The following UBALD1 variants were observed in gnomAD, a reference collection of about 807,000 sequenced individuals.
UBALD1 encodes the protein UBA like domain containing 1, also known as UBA-like domain-containing protein 1.
In UBALD1, 5 loss-of-function variants were observed where a neutral mutation model predicts 16.1. The observed-to-expected ratio is 0.31, with a 90% CI of 0.16 to 0.66. UBALD1 has a LOEUF of 0.66. Among genes scored for constraint, UBALD1 ranks in the 30% least tolerant of loss-of-function variants. The pLI, the probability that UBALD1 is intolerant of heterozygous loss-of-function variation, is 0.77. For missense variants in UBALD1, 220 were observed against 252.8 expected, an observed-to-expected ratio of 0.87 and a Z score of 0.88; for synonymous variants, 146 against 105.3, an observed-to-expected ratio of 1.39 and a Z score of -2.37.
In UBALD1 at chr16:4,609,903, G is replaced by A. The variant is rs566839031; in HGVS notation, c.264C>T (p.Ser88=). The change falls in exon 3 of 3, where the codon TCC becomes TCT. Residue 88 remains serine, a synonymous_variant. Coordinates refer to ENST00000283474, the MANE Select transcript of UBALD1 (RefSeq NM_145253.3). ...ALTMFSRLKA[S]ESFHSGGSGS... ...CGCTGCCACCGCTGTGGAAGCTCTC[G>A]GAGGCCTTGAGACGGGAGAACATGG... 3.6e-5 allele frequency: 57 copies of A among 1,590,028 alleles called. No homozygotes were observed. Among genetic ancestry groups the A allele is most frequent in the South Asian group, 1.2e-4 (11 of 88,252 alleles).
At position 4,614,884 on chromosome 16, in the gene UBALD1, A is replaced by G; in HGVS notation, c.-87T>C. The G allele has an allele frequency of 1.5e-6, 2 of 1,309,220 alleles. No individual in the cohort carries two copies. The highest frequency in any genetic ancestry group is 9.9e-7 in the Non-Finnish European group (1 of 1,008,444). The allele number at this position is 1,309,220 out of a possible 1,614,324, so 81.1% of individuals were successfully genotyped here. A position where few individuals can be genotyped will look rare whatever the true frequency, so the allele number is the denominator to read the frequency against. On this transcript the variant is annotated 5_prime_UTR_variant, in exon 1 of 3. Coordinates refer to ENST00000283474, the MANE Select transcript of UBALD1 (RefSeq NM_145253.3). ...CACCATTAGCGAGCCGGCTCCGGCT[A>G]ATACAAATATTTACTGTGCGGCTCT...
In UBALD1 at chr16:4,610,379, C is replaced by T. The variant is rs577610018; in HGVS notation, c.183+114G>A. Reference sequence around the variant, plus strand: ...CCTGCTGACCCATCTCCAAAGAGGTCGAGCCCCGCCTGCACCAGCGCCCTC... The same window carrying T: ...CCTGCTGACCCATCTCCAAAGAGGTTGAGCCCCGCCTGCACCAGCGCCCTC... On this transcript the variant is annotated intron_variant, in intron 2 of 2. Transcript: ENST00000283474. 4,326 of 1,180,066 alleles carry T rather than the reference C, an allele frequency of 3.7e-3. 16 individuals are homozygous for T. The highest frequency in any genetic ancestry group is 4.7e-3 in the Non-Finnish European group (3,972 of 838,124). The allele number at this position is 1,180,066 out of a possible 1,614,324, so 73.1% of individuals were successfully genotyped here.
intron 1 of UBALD1, 53 bp downstream of exon 1, chr16:4,614,625 G>A (rs553471814): frequency 3.2e-5 from 43 of 1,336,232 alleles, no homozygotes; most frequent in Middle Eastern, 2.7e-4. Context: ...GCGGCCACGC[G>A]GGACACACTC....
At position 4,610,077 on chromosome 16, in the gene UBALD1, C is replaced by A. The variant is rs553557776; in HGVS notation, c.184-94G>T. 23 of 1,001,760 alleles carry A rather than the reference C, an allele frequency of 2.3e-5. No homozygotes were observed. The East Asian group carries it at 3.9e-4, about 17-fold the overall frequency. The allele number at this position is 1,001,760 out of a possible 1,614,324, so 62.1% of individuals were successfully genotyped here. A position where few individuals can be genotyped will look rare whatever the true frequency, so the allele number is the denominator to read the frequency against. ...GGGAGATGCGTGGCTGGCCCATTCT[C>A]GGAAGGCTCTGTGTTCCTTCCCCAG... On this transcript the variant is annotated intron_variant, in intron 2 of 2. Coordinates refer to ENST00000283474, the MANE Select transcript of UBALD1 (RefSeq NM_145253.3).
intron 1 of UBALD1, chr16:4,614,365 C>T: frequency 2.7e-6 from 1 of 368,122 alleles, no homozygotes; most frequent in Non-Finnish European, 4.8e-6. Flanking sequence ...TGTCCGTCTG[C>T]ACCGCGGGGC....
chr16:4,614,807 G>T lies in UBALD1; in HGVS notation c.-10C>A. The stretch of plus-strand genomic sequence containing the variant: ...CCATGTTCACGGACATGGCGCCGCC[G>T]CGCTGCCCGCTCCGGCCTCCCTCCT... On this transcript the variant is annotated 5_prime_UTR_variant, in exon 1 of 3. Transcript: ENST00000283474. 1.3e-6 allele frequency: 2 copies of T among 1,493,936 alleles called. No homozygotes were observed. Among genetic ancestry groups the T allele is most frequent in the South Asian group, 1.3e-5 (1 of 75,950 alleles). The allele number at this position is 1,493,936 out of a possible 1,614,324, so 92.5% of individuals were successfully genotyped here.
chr16:4,614,741 C>T lies in UBALD1; in HGVS notation c.57G>A (p.Leu19=), dbSNP rs371754556. The T allele has an allele frequency of 2.1e-5, 32 of 1,560,930 alleles. 1 individual carries two copies. In the African/African-American group the frequency reaches 4.3e-4, roughly 21 times the overall value. ...KHQVMINQFV[L]TAGCAADQAK... ...CCTGGTCGGCCGCGCAGCCCGCCGT[C>T]AGCACGAACTGGTTGATCATGACCT... Residue 19 remains leucine (L), a synonymous_variant, in exon 1 of 3, where the codon CTG becomes CTA. Transcript: ENST00000283474.
chr16:4,614,798 G>GGCGCCGCC lies in UBALD1; in HGVS notation c.-9_-2dup. 1 of 1,504,466 alleles carries GGCGCCGCC rather than the reference G, an allele frequency of 6.6e-7. No individual in the cohort carries two copies. The highest frequency in any genetic ancestry group is 1.4e-5 in the African/African-American group (1 of 69,302). 93.2% of individuals were successfully genotyped at this position (1,504,466 alleles called of 1,614,324 possible). On this transcript the variant is annotated 5_prime_UTR_variant, in exon 1 of 3. Coordinates refer to ENST00000283474, the MANE Select transcript of UBALD1 (RefSeq NM_145253.3). ...TGAGCTCGTCCATGTTCACGGACAT[G>GGCGCCGCC]GCGCCGCCGCGCTGCCCGCTCCGGC...
chr16:4,610,590 C>G (rs748211225), intron 1 of UBALD1, 35 bp from the exon 2 acceptor site: 1 of 1,587,394 alleles, frequency 6.3e-7, no homozygotes, highest in African/African-American at 1.3e-5. Context: ...ACCCTCCAGG[C>G]CCCCGCCGGC....
chr16:4,609,946 T>C lies in UBALD1; in HGVS notation c.221A>G (p.Asn74Ser), dbSNP rs774589835. The C allele has an allele frequency of 6.3e-7, 1 of 1,576,578 alleles. No individual in the cohort carries two copies. The highest frequency in any genetic ancestry group is 8.6e-7 in the Non-Finnish European group (1 of 1,162,622). Reference sequence around the variant, plus strand: ...GAACATGGTGAGAGCGTCAGGGAAGTTGGGGGGTGTAGCAGGGGTATTGGC... The same window carrying C: ...GAACATGGTGAGAGCGTCAGGGAAGCTGGGGGGTGTAGCAGGGGTATTGGC... Reference protein sequence around the residue: ...TPANTPATPPNFPDALTMFSR... With the variant: ...TPANTPATPPSFPDALTMFSR... The change falls in exon 3 of 3, where the codon AAC becomes AGC. Residue 74 changes from asparagine to serine, a missense_variant. Around this residue, in one of 2 missense-constraint regions of UBALD1, gnomAD observed 69 missense variants for 120.3 expected, o/e 0.57. Coordinates refer to ENST00000283474, the MANE Select transcript of UBALD1 (RefSeq NM_145253.3).
Position 4,609,870 on chromosome 16 carries a change from C to G in UBALD1, c.297G>C (p.Pro99=). The change falls in exon 3 of 3, where the codon CCG becomes CCC. Residue 99 remains proline (P), a synonymous_variant. Transcript: ENST00000283474. ...ESFHSGGSGS[P]MAATATSPPP... The stretch of plus-strand genomic sequence containing the variant: ...GGGGTGACGTGGCTGTCGCGGCCAT[C>G]GGGCTGCCGCTGCCACCGCTGTGGA... The G allele has an allele frequency of 6.5e-7, 1 of 1,531,722 alleles. No individual in the cohort carries two copies. Among genetic ancestry groups the G allele is most frequent in the African/African-American group, 1.4e-5 (1 of 72,388 alleles). The allele number at this position is 1,531,722 out of a possible 1,614,324, so 94.9% of individuals were successfully genotyped here.
chr16:4,613,200 T>C (rs2141786775), intron 1 of UBALD1, among the ~76,000 whole-genome samples: 1 of 152,254 alleles, frequency 6.6e-6, no homozygotes, highest in East Asian at 1.9e-4. Flanking sequence ...TGATGAGGGC[T>C]GTGGAGACCA....
At position 4,609,776 on chromosome 16, in the gene UBALD1, G is replaced by T; in HGVS notation, c.391C>A (p.Pro131Thr). 1 of 1,508,538 alleles carries T rather than the reference G, an allele frequency of 6.6e-7. No homozygotes were observed. Among genetic ancestry groups the T allele is most frequent in the Non-Finnish European group, 8.8e-7 (1 of 1,132,022 alleles). The allele number at this position is 1,508,538 out of a possible 1,614,324, so 93.4% of individuals were successfully genotyped here. ...GGCTGGTGGTGCTGTGGGCCCCCCG[G>T]GGGCGAGGCCGCCGTGGGCCAGCTG... ...ASSWPTAASPPGGPQHHQPQP... is the reference protein window; with the variant it reads ...ASSWPTAASPTGGPQHHQPQP... The change falls in exon 3 of 3, where the codon CCG becomes ACG. Residue 131 changes from proline (P) to threonine (T), a missense_variant. Transcript: ENST00000283474.
chr16:4,614,292 CT>C (rs1897394495), intron 1 of UBALD1: 1 of 358,230 alleles, frequency 2.8e-6, no homozygotes, highest in Admixed American at 4.7e-5. Flanking sequence ...CCCGGAGCGG[CT>C]CCGCCCTCCG....
At chr16:4,614,432 T>TCCCGGGGGACTCGCGGC in intron 1 of UBALD1, 1 of 489,886 alleles carries the variant, frequency 2.0e-6, no homozygotes, top group Non-Finnish European at 3.3e-6. Flanking sequence ...CCCGTCTCGA[T>TCCCGGGGGACTCGCGGC]CCCGGGGGAC....
chr16:4,609,695 G>A lies in UBALD1; in HGVS notation c.472C>T (p.Leu158=). The change falls in exon 3 of 3, where the codon CTG becomes TTG. Residue 158 remains leucine (L), a synonymous_variant. Coordinates refer to ENST00000283474, the MANE Select transcript of UBALD1 (RefSeq NM_145253.3). ...TCTGAGGTGGCCTGTTGGGGGGCCA[G>A]GGGTGGCCAGTCTGAAGCCGGAGAA... ...PPSPASDWPP[L]APQQATSEPR... is the part of the protein sequence containing the mutation. 1 of 1,483,072 alleles carries A rather than the reference G, an allele frequency of 6.7e-7. No homozygotes were observed. Among genetic ancestry groups the A allele is most frequent in the African/African-American group, 1.4e-5 (1 of 69,430 alleles). The allele number at this position is 1,483,072 out of a possible 1,614,324, so 91.9% of individuals were successfully genotyped here. A position where few individuals can be genotyped will look rare whatever the true frequency, so the allele number is the denominator to read the frequency against.
Position 4,609,675 on chromosome 16 carries a change from G to T in UBALD1, c.492C>A (p.Thr164=). ...DWPPLAPQQA[T]SEPRAHPAME... ...TGGCAGGGTGGGCCCTGGGTTCTGA[G>T]GTGGCCTGTTGGGGGGCCAGGGGTG... is the stretch of plus-strand genomic sequence containing the variant. Residue 164 remains threonine, a synonymous_variant, in exon 3 of 3, where the codon ACC becomes ACA. Coordinates refer to ENST00000283474, the MANE Select transcript of UBALD1 (RefSeq NM_145253.3). 1 of 1,468,558 alleles carries T rather than the reference G, an allele frequency of 6.8e-7. No individual in the cohort carries two copies. The highest frequency in any genetic ancestry group is 2.5e-5 in the Admixed American group (1 of 39,292). 91.0% of individuals were successfully genotyped at this position (1,468,558 alleles called of 1,614,324 possible). A position where few individuals can be genotyped will look rare whatever the true frequency, so the allele number is the denominator to read the frequency against.
Position 4,614,873 on chromosome 16 carries a change from C to A in UBALD1, c.-76G>T, listed in dbSNP as rs908849934. 58 of 1,354,938 alleles carry A rather than the reference C, an allele frequency of 4.3e-5. No homozygotes were observed. The East Asian group carries it at 5.6e-4, about 13-fold the overall frequency. 83.9% of individuals were successfully genotyped at this position (1,354,938 alleles called of 1,614,324 possible). A position where few individuals can be genotyped will look rare whatever the true frequency, so the allele number is the denominator to read the frequency against. ...CCTCACGCGTCCACCATTAGCGAGC[C>A]GGCTCCGGCTAATACAAATATTTAC... On this transcript the variant is annotated 5_prime_UTR_variant, in exon 1 of 3. Coordinates refer to ENST00000283474, the MANE Select transcript of UBALD1 (RefSeq NM_145253.3).
At chr16:4,611,871 C>T (rs1419245425) in intron 1 of UBALD1, among the ~76,000 whole-genome samples, 4 of 152,054 alleles carry the variant, frequency 2.6e-5, no homozygotes, top group African/African-American at 7.2e-5. Context: ...GAGGGGTTCT[C>T]GGGGCCCTGC....
Sources: allele counts gnomAD v4.1 joint callset (sites outside exome capture counted in the v4.1 genomes callset), GRCh38; gene constraint gnomAD v4.1.1; regional missense constraint gnomAD v4.1.1; transcripts MANE v1.5; gene names NCBI Gene and HGNC (gene_info 2026-07-23, HGNC 2026-07-21).